The following GPATCH1 variants were observed in gnomAD, a reference collection of about 807,000 sequenced individuals.
The protein encoded by GPATCH1 is G patch domain-containing protein 1.
GPATCH1 carries 73 observed loss-of-function variants against 114.9 expected under a neutral mutation model. The ratio of observed to expected loss-of-function variants is 0.64; its 90% CI spans 0.53 to 0.77. The LOEUF is 0.77. Ranked by LOEUF, GPATCH1 falls within the 30% of genes least tolerant of loss-of-function variation. The probability of loss-of-function intolerance (pLI) is 0.00; values close to 1 mark genes in which losing one functional copy is unlikely to be tolerated. For missense variants in GPATCH1, 1,058 were observed against 1,144.3 expected (o/e 0.92, Z 1.09); for synonymous variants, 391 against 428.4 (o/e 0.91, Z 1.08).
intron 8 of GPATCH1, 53 bp downstream of exon 8, chr19:33,097,955 A>C: frequency 1.3e-6 from 2 of 1,549,336 alleles, no homozygotes; most frequent in South Asian, 2.3e-5. Flanking sequence ...GGGTATCAGG[A>C]AGGAGGGGCT....
chr19:33,101,608 G>A, intron 9 of GPATCH1, 34 bp downstream of exon 9: 2 of 1,025,682 alleles, frequency 1.9e-6, no homozygotes, highest in Non-Finnish European at 3.0e-6. Context: ...TTTTTTTACT[G>A]GTTTAGTTCT....
intron 1 of GPATCH1, among the ~76,000 whole-genome samples, chr19:33,084,424 C>T (rs1056742008): frequency 6.6e-6 from 1 of 152,138 alleles, no homozygotes; most frequent in Admixed American, 6.6e-5. Flanking sequence ...GAATTCTTAT[C>T]TACAGCTCAT....
At position 33,117,847 on chromosome 19, in the gene GPATCH1, C is replaced by T. The variant is rs1304911102; in HGVS notation, c.2219C>T (p.Ala740Val). 5.0e-6 allele frequency: 8 copies of T among 1,613,504 alleles called. No homozygotes were observed. The East Asian group carries it at 1.1e-4, about 22-fold the overall frequency. ...CAGACCGTCAACAAAGATGTGGACG[C>T]ACAGGCTGAAGGAGAAGGGAGCCGC... Reference protein sequence around the residue: ...ANQTVNKDVDAQAEGEGSRPS... With the variant: ...ANQTVNKDVDVQAEGEGSRPS... Residue 740 changes from alanine to valine, a missense_variant, in exon 16 of 20, where the codon GCA (alanine) becomes GTA (valine). By Grantham distance (64) the Ala-to-Val change is moderately conservative. Around this residue, in one of 3 missense-constraint regions of GPATCH1, gnomAD observed 893 missense variants for 977.4 expected, o/e 0.91. Transcript: ENST00000170564.
At chr19:33,122,771 A>C (rs1370510576) in intron 17 of GPATCH1, among the ~76,000 whole-genome samples, 1 of 152,150 alleles carries the variant, frequency 6.6e-6, no homozygotes, top group African/African-American at 2.4e-5. Flanking sequence ...CTAGTGTTAA[A>C]AAAAAGTTTT....
intron 19 of GPATCH1, among the ~76,000 whole-genome samples, chr19:33,127,413 G>C (rs1485572861): frequency 2.0e-5 from 3 of 151,514 alleles, no homozygotes; most frequent in Non-Finnish European, 4.4e-5. Flanking sequence ...CTGCTGGGGA[G>C]GCTGAGGCAG....
rs146059467 is a variant in GPATCH1, at chr19:33,083,821, A to C, written c.73+2555A>C. Among the ~76,000 whole-genome samples the C allele has an allele frequency of 1.2e-3, 188 of 151,910 alleles. 2 individuals are homozygous for C. Among genetic ancestry groups the C allele is most frequent in the Admixed American group, 9.6e-3 (146 of 15,220 alleles). ...AGGATTGATTCATTGTCTTCTAAGCACTTTTTTTTGAGAGTTTCGCTCTTG... is the reference window on the plus strand; with the variant it reads ...AGGATTGATTCATTGTCTTCTAAGCCCTTTTTTTTGAGAGTTTCGCTCTTG... On this transcript the variant is annotated intron_variant, in intron 1 of 19. Transcript: ENST00000170564.
chr19:33,103,007 C>T, intron 9 of GPATCH1, among the ~76,000 whole-genome samples: 1 of 152,112 alleles, frequency 6.6e-6, no homozygotes, highest in African/African-American at 2.4e-5. Flanking sequence ...CTGTCACAGC[C>T]ACATGTGAAG....
intron 2 of GPATCH1, 74 bp downstream of exon 2, chr19:33,088,342 CTTTT>C: frequency 1.1e-6 from 1 of 871,036 alleles, no homozygotes; most frequent in South Asian, 1.8e-5. Context: ...CTCACCCTTG[CTTTT>C]TTTTTTTTTA....
Position 33,114,420 on chromosome 19 carries a change from G to A in GPATCH1, c.2196+1G>A. ...TGCACCAGAATTATCCGCAAATCAG[G>A]TATTTGGGGCTTCCAGATTCTCTTT... is the stretch of plus-strand genomic sequence containing the variant. On this transcript the variant is annotated splice_donor_variant, in intron 15 of 19. Coordinates refer to ENST00000170564, the MANE Select transcript of GPATCH1 (RefSeq NM_018025.3). LOFTEE classifies it high-confidence loss of function. 6.3e-7 allele frequency: 1 copy of A among 1,584,088 alleles called. No homozygotes were observed. Among genetic ancestry groups the A allele is most frequent in the South Asian group, 1.2e-5 (1 of 86,886 alleles).
chr19:33,126,125 C>G (rs1405798015), intron 18 of GPATCH1, among the ~76,000 whole-genome samples: 2 of 152,186 alleles, frequency 1.3e-5, no homozygotes, highest in Admixed American at 6.6e-5. Context: ...AAATGTGTGC[C>G]GACCAAATCT....
At chr19:33,113,737 T>C in intron 13 of GPATCH1, 30 bp from the exon 14 acceptor site, 1 of 1,607,450 alleles carries the variant, frequency 6.2e-7, no homozygotes, top group South Asian at 1.1e-5. Context: ...TACTGGTTGT[T>C]ACTAAAATGA....
intron 18 of GPATCH1, among the ~76,000 whole-genome samples, chr19:33,125,484 A>G (rs1323320918): frequency 6.6e-6 from 1 of 151,252 alleles, no homozygotes; most frequent in East Asian, 1.9e-4. Flanking sequence ...TCCTGGGTTC[A>G]AGCAATTCTC....
chr19:33,122,574 C>T (rs1972997618), intron 17 of GPATCH1, among the ~76,000 whole-genome samples: 1 of 152,114 alleles, frequency 6.6e-6, no homozygotes, highest in South Asian at 2.1e-4. Flanking sequence ...CTGCCCGCCT[C>T]AACCTCCCAA....
At chr19:33,120,130 A>G (rs1185150140) in intron 17 of GPATCH1, among the ~76,000 whole-genome samples, 1 of 140,354 alleles carries the variant, frequency 7.1e-6, no homozygotes, top group Non-Finnish European at 1.5e-5. Context: ...ATATATTTCT[A>G]AATATATTTA....
intron 3 of GPATCH1, among the ~76,000 whole-genome samples, chr19:33,092,628 A>G (rs756368011): frequency 2.8e-4 from 42 of 152,200 alleles, no homozygotes; most frequent in Non-Finnish European, 5.0e-4. Flanking sequence ...AAACGTGCCA[A>G]TGGTTGGACA....
In GPATCH1 at chr19:33,111,364, A is replaced by G. The variant is rs1972850529; in HGVS notation, c.1586-360A>G. On this transcript the variant is annotated intron_variant, in intron 11 of 19. Transcript: ENST00000170564. ...ATGCCACTGCACTCCAGCCTGGGAG[A>G]CAGAGTGAGACTCCATCTCAGAAAA... 2.1e-5 allele frequency among the ~76,000 whole-genome samples: 3 copies of G among 145,400 alleles called. 1 individual carries two copies. The South Asian group carries it at 7.0e-4, about 34-fold the overall frequency.
At chr19:33,128,540 G>A (rs889963965) in intron 19 of GPATCH1, among the ~76,000 whole-genome samples, 11 of 152,206 alleles carry the variant, frequency 7.2e-5, no homozygotes, top group Non-Finnish European at 1.5e-4. Context: ...GATTACAGGC[G>A]TGAGCCACCA....
intron 17 of GPATCH1, among the ~76,000 whole-genome samples, chr19:33,123,128 G>A (rs1973004477): frequency 6.6e-6 from 1 of 151,244 alleles, no homozygotes; most frequent in South Asian, 2.1e-4. Flanking sequence ...AGCTGGGCAC[G>A]GTGGCTCACG....
Position 33,114,437 on chromosome 19 carries a change from A to AT in GPATCH1, c.2196+20dup. The AT allele has an allele frequency of 6.4e-7, 1 of 1,571,592 alleles. No individual in the cohort carries two copies. The highest frequency in any genetic ancestry group is 1.7e-4 in the Middle Eastern group (1 of 5,882). ...CAAATCAGGTATTTGGGGCTTCCAGATTCTCTTTGCCACGCTGAGTGTGGC... is the reference window on the plus strand; with the variant it reads ...CAAATCAGGTATTTGGGGCTTCCAGATTTCTCTTTGCCACGCTGAGTGTGGC... On this transcript the variant is annotated intron_variant, in intron 15 of 19. Transcript: ENST00000170564.
Sources: allele counts gnomAD v4.1 joint callset (sites outside exome capture counted in the v4.1 genomes callset), GRCh38; gene constraint gnomAD v4.1.1; regional missense constraint gnomAD v4.1.1; transcripts MANE v1.5; gene names NCBI Gene and HGNC (gene_info 2026-07-23, HGNC 2026-07-21).